Variants in PCDHGA5 observed in about 807,000 individuals in gnomAD.
PCDHGA5 encodes the protein protocadherin gamma-A5.
Under a neutral mutation model 56.7 loss-of-function variants are expected in PCDHGA5, and 36 were observed. The observed-to-expected ratio is 0.64, with a 90% CI of 0.49 to 0.84. PCDHGA5 has a LOEUF of 0.84. Ranked by LOEUF, PCDHGA5 falls within the 40% of genes least tolerant of loss-of-function variation. The pLI, the probability that PCDHGA5 is intolerant of heterozygous loss-of-function variation, is 0.00. For synonymous variants in PCDHGA5, 563 were observed against 520.2 expected (o/e 1.08, Z -1.12); for missense variants, 1,305 against 1,201.5 (o/e 1.09, Z -1.27).
At chr5:141,462,144 G>A (rs984269848) in intron 1 of PCDHGA5, among the ~76,000 whole-genome samples, 1 of 152,042 alleles carries the variant, frequency 6.6e-6, no homozygotes, top group South Asian at 2.1e-4. Context: ...ATTTTTAGTA[G>A]AGATGGGGTT....
intron 1 of PCDHGA5, chr5:141,405,044 G>A (rs769617162): frequency 6.2e-7 from 1 of 1,613,938 alleles, no homozygotes; most frequent in Admixed American, 1.7e-5. Context: ...TGTGGCTGTG[G>A]CAGTCGTCTC....
Position 141,432,036 on chromosome 5 carries a change from AC to A in PCDHGA5, c.2422-62769del, listed in dbSNP as rs1419691535. The A allele has an allele frequency of 6.2e-7, 1 of 1,614,218 alleles. No individual in the cohort carries two copies. The highest frequency in any genetic ancestry group is 1.3e-5 in the African/African-American group (1 of 75,048). On this transcript the variant is annotated intron_variant, in intron 1 of 3. Coordinates refer to ENST00000518069, the MANE Select transcript of PCDHGA5 (RefSeq NM_018918.3). This position sits in a 1 kb window ranked among gnomAD's most constrained non-coding sequence, Gnocchi z 6.0. ...TACAACATCACAGTGACCGCCACTG[AC>A]CGGGGAACCCCGCCCCTATCCACGG...
intron 1 of PCDHGA5, 106 bp from the exon 2 acceptor site, chr5:141,494,701 C>T: frequency 6.3e-7 from 1 of 1,594,596 alleles, no homozygotes; most frequent in Admixed American, 1.7e-5. Flanking sequence ...CCGTTTTCTT[C>T]TCTGTGCCCA....
chr5:141,462,477 G>A (rs1430561580), intron 1 of PCDHGA5, among the ~76,000 whole-genome samples: 1 of 151,828 alleles, frequency 6.6e-6, no homozygotes, highest in East Asian at 1.9e-4. Flanking sequence ...TCTGCTTCTC[G>A]TGGTTGTTGT....
chr5:141,383,342 C>T, intron 1 of PCDHGA5: 2 of 1,613,958 alleles, frequency 1.2e-6, no homozygotes, highest in Non-Finnish European at 1.7e-6. Flanking sequence ...AATACAGCTC[C>T]TGGGGTTCGG....
intron 1 of PCDHGA5, among the ~76,000 whole-genome samples, chr5:141,368,532 G>A (rs768576370): frequency 6.6e-6 from 1 of 152,082 alleles, no homozygotes; most frequent in Non-Finnish European, 1.5e-5. Context: ...GTGAAAACTT[G>A]CTTTTCCATT....
At chr5:141,371,895 C>T (rs1561553190) in intron 1 of PCDHGA5, 1 of 1,613,450 alleles carries the variant, frequency 6.2e-7, no homozygotes. Context: ...GCCGCGGGAG[C>T]TGTCGTCCTA....
chr5:141,446,639 G>C (rs1461520959), intron 1 of PCDHGA5, among the ~76,000 whole-genome samples: 1 of 152,116 alleles, frequency 6.6e-6, no homozygotes, highest in Non-Finnish European at 1.5e-5. Context: ...ACCACGCCTG[G>C]CTAATTTTTG....
Position 141,388,164 on chromosome 5 carries a change from G to A in PCDHGA5, c.2421+21413G>A, listed in dbSNP as rs372819071. 487 of 1,478,548 alleles carry A rather than the reference G, an allele frequency of 3.3e-4. No homozygotes were observed. The highest frequency in any genetic ancestry group is 4.3e-4 in the Non-Finnish European group (458 of 1,069,378). 91.6% of individuals were successfully genotyped at this position (1,478,548 alleles called of 1,614,324 possible). A position where few individuals can be genotyped will look rare whatever the true frequency, so the allele number is the denominator to read the frequency against. On this transcript the variant is annotated intron_variant, in intron 1 of 3. Coordinates refer to ENST00000518069, the MANE Select transcript of PCDHGA5 (RefSeq NM_018918.3). ...TGTGAGCAGCAGGCTAGACAGGGAG[G>A]AGATATGCGGGAAGAAGCCAGCTTG...
chr5:141,418,753 A>G, intron 1 of PCDHGA5: 2 of 1,613,974 alleles, frequency 1.2e-6, no homozygotes, highest in South Asian at 2.2e-5. Context: ...ATTACACTAC[A>G]GGAAACATTC....
At chr5:141,415,416 G>C (rs747598923) in intron 1 of PCDHGA5, 3 of 1,614,220 alleles carry the variant, frequency 1.9e-6, no homozygotes, top group Non-Finnish European at 2.5e-6. Flanking sequence ...TTGTGGGCGT[G>C]GACGGGGTTC....
At chr5:141,466,549 T>C (rs778708029) in intron 1 of PCDHGA5, among the ~76,000 whole-genome samples, 2 of 152,244 alleles carry the variant, frequency 1.3e-5, no homozygotes, top group African/African-American at 2.4e-5. Flanking sequence ...GGTCTTTTGC[T>C]GTGGGCTTCA....
chr5:141,472,557 A>G (rs2099288029), intron 1 of PCDHGA5, among the ~76,000 whole-genome samples: 3 of 152,044 alleles, frequency 2.0e-5, no homozygotes, highest in Admixed American at 1.3e-4. Flanking sequence ...AAAAAATTAT[A>G]TTATAAATGC....
chr5:141,489,425 G>T lies in PCDHGA5; in HGVS notation c.2422-5382G>T, dbSNP rs779739693. 6.2e-7 allele frequency: 1 copy of T among 1,614,118 alleles called. No homozygotes were observed. The highest frequency in any genetic ancestry group is 8.5e-7 in the Non-Finnish European group (1 of 1,180,030). The stretch of plus-strand genomic sequence containing the variant: ...TTAAAGATGACAGATCTGTTGAGCC[G>T]GCGGCTGCAATTGGGCTCTGAGGAG... On this transcript the variant is annotated intron_variant, in intron 1 of 3. Transcript: ENST00000518069. This position sits in a 1 kb window ranked among gnomAD's most constrained non-coding sequence, Gnocchi z 4.5.
At chr5:141,497,284 A>G (rs1486878285) in intron 2 of PCDHGA5, among the ~76,000 whole-genome samples, 1 of 152,104 alleles carries the variant, frequency 6.6e-6, no homozygotes, top group South Asian at 2.1e-4. Context: ...TGTTCCCTCT[A>G]CCTACCACCA....
intron 1 of PCDHGA5, chr5:141,419,344 C>T (rs2096363174): frequency 1.9e-6 from 3 of 1,613,732 alleles, no homozygotes; most frequent in Non-Finnish European, 2.5e-6. Flanking sequence ...TTGCCAGCGA[C>T]CTGGAGTCAC....
At chr5:141,410,366 G>A (rs3749767) in intron 1 of PCDHGA5, 379,797 of 1,613,758 alleles carry the variant, frequency 0.24, 48,670 homozygotes, top group African/African-American at 0.5. Context: ...TCTCAGCCCT[G>A]CTACTTGGGA....
At chr5:141,389,736 G>C in intron 1 of PCDHGA5, 1 of 1,612,710 alleles carries the variant, frequency 6.2e-7, no homozygotes, top group Non-Finnish European at 8.5e-7. Context: ...CTTCAGCCTG[G>C]GGCTGCGCAC....
chr5:141,453,022 T>C (rs1222692572), intron 1 of PCDHGA5, among the ~76,000 whole-genome samples: 1 of 152,230 alleles, frequency 6.6e-6, no homozygotes, highest in Non-Finnish European at 1.5e-5. Flanking sequence ...ATGTGATTCA[T>C]TAAAATAAAG....
Sources: gnomAD v4.1 joint callset for allele counts (sites outside exome capture counted in the v4.1 genomes callset) on GRCh38, gnomAD v4.1.1 for gene constraint, Gnocchi (gnomAD v3.1) non-coding constraint, MANE v1.5 for transcripts, NCBI Gene and HGNC (gene_info 2026-07-23, HGNC 2026-07-21) for gene names.